SAMD12: variants seen among roughly 807,000 people sequenced by gnomAD.
The protein encoded by SAMD12 is sterile alpha motif domain containing 12.
In SAMD12, 9 loss-of-function variants were observed where a neutral mutation model predicts 15.0. The ratio of observed to expected loss-of-function variants is 0.60; its 90% CI spans 0.36 to 1.05. The LOEUF is 1.05. Ranked by LOEUF, SAMD12 falls within the 50% of genes least tolerant of loss-of-function variation. SAMD12 has a pLI of 0.01. For synonymous variants in SAMD12, 86 were observed against 90.1 expected (o/e 0.96, Z 0.25); for missense variants, 230 against 234.2 (o/e 0.98, Z 0.12).
chr8:118,230,692 T>C (rs28365495), intron 4 of SAMD12, among the ~76,000 whole-genome samples: 3 of 150,460 alleles, frequency 2.0e-5, no homozygotes, highest in East Asian at 2.0e-4. Context: ...CAAGAAAGAA[T>C]TGGGGGCAGA....
chr8:118,426,060 C>T (rs1360810291), intron 3 of SAMD12, among the ~76,000 whole-genome samples: 1 of 152,188 alleles, frequency 6.6e-6, no homozygotes, highest in Non-Finnish European at 1.5e-5. Flanking sequence ...CGATGCCATG[C>T]TTTTCTATAA....
At chr8:118,376,961 G>A (rs188727455), downstream of SAMD12, among the ~76,000 whole-genome samples, 492 of 112,664 alleles carry the variant, frequency 4.4e-3, 2 homozygotes, top group Middle Eastern at 0.03. Flanking sequence ...ATATTTTAAC[G>A]CTAATCTGTC....
intron 2 of SAMD12, among the ~76,000 whole-genome samples, chr8:118,510,136 C>T (rs1825034681): frequency 6.6e-6 from 1 of 152,106 alleles, no homozygotes; most frequent in Non-Finnish European, 1.5e-5. Flanking sequence ...TTAGAATCAT[C>T]AGTAATCTTT....
intron 3 of SAMD12, among the ~76,000 whole-genome samples, chr8:118,422,928 A>G (rs1447643208): frequency 6.6e-6 from 1 of 152,180 alleles, no homozygotes; most frequent in African/African-American, 2.4e-5. Flanking sequence ...GGAGAAGACC[A>G]CAGTTAGGTC....
At chr8:118,461,325 T>A (rs1257417228) in intron 2 of SAMD12, among the ~76,000 whole-genome samples, 1 of 152,252 alleles carries the variant, frequency 6.6e-6, no homozygotes, top group African/African-American at 2.4e-5. Flanking sequence ...AGCAGTCCTT[T>A]AACAAAGGTT....
At chr8:118,272,222 T>A (rs987333202) in intron 4 of SAMD12, among the ~76,000 whole-genome samples, 2 of 152,216 alleles carry the variant, frequency 1.3e-5, no homozygotes, top group Non-Finnish European at 2.9e-5. Context: ...CAACACCGCA[T>A]AGAAGCTGCC....
At chr8:118,273,183 A>C (rs1383610228) in intron 4 of SAMD12, among the ~76,000 whole-genome samples, 2 of 152,212 alleles carry the variant, frequency 1.3e-5, no homozygotes, top group Middle Eastern at 3.2e-3. Context: ...ATCATAGAAG[A>C]ATGGGAAGCA....
rs1457217857 is a variant in SAMD12, at chr8:118,524,726, C to T, written c.192+55989G>A. Among the ~76,000 whole-genome samples, 8 of 152,134 alleles carry T rather than the reference C, an allele frequency of 5.3e-5. No homozygotes were observed. In the East Asian group the frequency reaches 1.5e-3, roughly 29 times the overall value. On this transcript the variant is annotated intron_variant, in intron 2 of 3. Coordinates refer to ENST00000314727, the MANE Select transcript of SAMD12 (RefSeq NM_207506.3). ...CTGCAGTTCTTTGACAGTTAATAAC[C>T]GACCTTCCAATTGCTCAGGCCAAAA...
intron 4 of SAMD12, among the ~76,000 whole-genome samples, chr8:118,292,565 G>T (rs1168824931): frequency 6.6e-6 from 1 of 151,986 alleles, no homozygotes; most frequent in Non-Finnish European, 1.5e-5. Context: ...ATACCCAAAT[G>T]ACTATAAATC....
At chr8:118,436,373 T>A (rs1822575436) in intron 3 of SAMD12, among the ~76,000 whole-genome samples, 1 of 152,208 alleles carries the variant, frequency 6.6e-6, no homozygotes, top group African/African-American at 2.4e-5. Context: ...ATGTTTTTAT[T>A]ACATGTCAAA....
intron 4 of SAMD12, among the ~76,000 whole-genome samples, chr8:118,322,224 A>ACT (rs1282802599): frequency 6.6e-6 from 1 of 151,414 alleles, no homozygotes; most frequent in African/African-American, 2.4e-5. Context: ...TCCCACAATT[A>ACT]CTCTCTCTCT....
At chr8:118,261,127 A>G (rs1813066234) in intron 4 of SAMD12, among the ~76,000 whole-genome samples, 1 of 152,142 alleles carries the variant, frequency 6.6e-6, no homozygotes, top group South Asian at 2.1e-4. Context: ...TTTGTCAAAA[A>G]GCTGTTTTCA....
chr8:118,268,919 T>A (rs1442047196), intron 4 of SAMD12, among the ~76,000 whole-genome samples: 4 of 152,228 alleles, frequency 2.6e-5, no homozygotes, highest in African/African-American at 9.6e-5. Flanking sequence ...AATTCCATTC[T>A]CAGAGACTCT....
At chr8:118,135,416 G>A in the SAMD12 span, among the ~76,000 whole-genome samples, 6 of 152,062 alleles carry the variant, frequency 3.9e-5, no homozygotes, top group Non-Finnish European at 8.8e-5. Context: ...TCCTGACCTC[G>A]TGATCTGCCT....
intron 2 of SAMD12, among the ~76,000 whole-genome samples, chr8:118,559,893 A>T (rs1331475771): frequency 6.6e-6 from 1 of 152,256 alleles, no homozygotes; most frequent in Non-Finnish European, 1.5e-5. Flanking sequence ...CAATAAACAA[A>T]ATATTTTTAT....
intron 2 of SAMD12, among the ~76,000 whole-genome samples, chr8:118,452,971 A>G (rs6469747): frequency 0.72 from 109,069 of 152,082 alleles, 39,424 homozygotes; most frequent in African/African-American, 0.8. Context: ...TAGCAGACAC[A>G]TGCTAGCTTC....
At chr8:118,154,875 G>T in the SAMD12 span, among the ~76,000 whole-genome samples, 1 of 152,118 alleles carries the variant, frequency 6.6e-6, no homozygotes, top group African/African-American at 2.4e-5. Flanking sequence ...GCCAGCCTTG[G>T]TATAAAAAAG....
intron 4 of SAMD12, chr8:118,284,305 C>T (rs995024852): frequency 7.7e-5 from 35 of 456,174 alleles, no homozygotes; most frequent in Non-Finnish European, 1.5e-4. Flanking sequence ...GCAGAACTGG[C>T]TGGGATGGCT....
chr8:118,354,045 T>C (rs889857954), intron 4 of SAMD12, among the ~76,000 whole-genome samples: 5 of 152,248 alleles, frequency 3.3e-5, no homozygotes, highest in African/African-American at 1.2e-4. Context: ...CTTAGGCCTC[T>C]GCCTTGCTTG....
Sources: allele counts gnomAD v4.1 joint callset (sites outside exome capture counted in the v4.1 genomes callset), GRCh38; gene constraint gnomAD v4.1.1; transcripts MANE v1.5; gene names NCBI Gene and HGNC (gene_info 2026-07-23, HGNC 2026-07-21).